The following CNTN3 variants were observed in gnomAD, a reference collection of about 807,000 sequenced individuals.
The protein encoded by CNTN3 is contactin-3.
In CNTN3, 60 loss-of-function variants were observed where a neutral mutation model predicts 119.1. The observed-to-expected ratio is 0.50, with a 90% CI of 0.41 to 0.62. The LOEUF is 0.62. Among genes scored for constraint, CNTN3 ranks in the 20% least tolerant of loss-of-function variants. The pLI is 0.00. For missense variants in CNTN3, 1,101 were observed against 1,242.4 expected, an observed-to-expected ratio of 0.89 and a Z score of 1.71; for synonymous variants, 450 against 438.7, an observed-to-expected ratio of 1.03 and a Z score of -0.32.
intron 3 of CNTN3, among the ~76,000 whole-genome samples, chr3:74,487,918 T>C (rs1702887760): frequency 6.6e-6 from 1 of 151,186 alleles, no homozygotes; most frequent in Non-Finnish European, 1.5e-5. Context: ...CAGTTGACGT[T>C]TATAATTTTC....
chr3:74,603,251 T>C (rs1704940327), intron 1 of CNTN3, among the ~76,000 whole-genome samples: 4 of 152,148 alleles, frequency 2.6e-5, no homozygotes, highest in Admixed American at 2.6e-4. Flanking sequence ...CTGAGACAGT[T>C]CCCCTAAGGC....
chr3:74,545,702 C>A (rs183326224), intron 1 of CNTN3, among the ~76,000 whole-genome samples: 1 of 152,016 alleles, frequency 6.6e-6, no homozygotes, highest in Admixed American at 6.5e-5. Flanking sequence ...TTAGGGGTAC[C>A]CAGATATTCA....
intron 4 of CNTN3, among the ~76,000 whole-genome samples, chr3:74,452,009 G>A (rs1428390290): frequency 7.1e-6 from 1 of 141,114 alleles, no homozygotes; most frequent in African/African-American, 2.8e-5. Flanking sequence ...CTCTTTTTTG[G>A]TTCCATATGA....
At chr3:74,557,674 C>T (rs1269913026) in intron 1 of CNTN3, among the ~76,000 whole-genome samples, 9 of 150,856 alleles carry the variant, frequency 6.0e-5, no homozygotes. Context: ...AAGTTTTATG[C>T]CATAATTTCC....
chr3:74,569,642 G>A (rs1013630453), intron 1 of CNTN3, among the ~76,000 whole-genome samples: 10 of 152,192 alleles, frequency 6.6e-5, no homozygotes, highest in Non-Finnish European at 1.3e-4. Flanking sequence ...TAAGCTTTGT[G>A]TACTGATTTT....
chr3:74,542,060 CTG>C (rs938769085), intron 1 of CNTN3, among the ~76,000 whole-genome samples: 1 of 151,862 alleles, frequency 6.6e-6, no homozygotes, highest in African/African-American at 2.4e-5. Context: ...TAGCAAGACT[CTG>C]TCTCTGAAAA....
chr3:74,447,502 A>G (rs2106940244), intron 4 of CNTN3, among the ~76,000 whole-genome samples: 1 of 152,340 alleles, frequency 6.6e-6, no homozygotes, highest in South Asian at 2.1e-4. Context: ...TGCATTTTTC[A>G]TTGGTTGAAA....
intron 4 of CNTN3, among the ~76,000 whole-genome samples, chr3:74,455,554 C>T (rs1220479248): frequency 6.6e-6 from 1 of 152,102 alleles, no homozygotes; most frequent in African/African-American, 2.4e-5. Context: ...GAACTGCGAT[C>T]CTTTGGAGGA....
intron 11 of CNTN3, among the ~76,000 whole-genome samples, chr3:74,361,005 T>C (rs904162269): frequency 1.6e-4 from 25 of 152,172 alleles, no homozygotes; most frequent in Non-Finnish European, 2.4e-4. Context: ...TTTTGCCATG[T>C]AATATAACAC....
intron 4 of CNTN3, among the ~76,000 whole-genome samples, chr3:74,455,498 C>A (rs1702250444): frequency 6.6e-6 from 1 of 152,124 alleles, no homozygotes; most frequent in African/African-American, 2.4e-5. Flanking sequence ...CTTCTCTCGA[C>A]TCGTCAAAGT....
At chr3:74,547,067 T>C (rs1283261040) in intron 1 of CNTN3, among the ~76,000 whole-genome samples, 2 of 152,230 alleles carry the variant, frequency 1.3e-5, no homozygotes, top group African/African-American at 4.8e-5. Flanking sequence ...AACAAACTAA[T>C]AGAACAAGTA....
chr3:74,587,649 C>T lies in CNTN3; in HGVS notation c.-81+26742G>A, dbSNP rs530413584. 5.9e-4 allele frequency among the ~76,000 whole-genome samples: 90 copies of T among 152,222 alleles called. 1 individual carries two copies. The highest frequency in any genetic ancestry group is 2.1e-3 in the African/African-American group (88 of 41,544). On this transcript the variant is annotated intron_variant, in intron 1 of 22. Transcript: ENST00000263665. The stretch of plus-strand genomic sequence containing the variant: ...AAAAGAGATATACAGGCACAGTTAT[C>T]CGAAAACCATCGTAAAACTCCAGGA...
chr3:74,408,581 C>G (rs1173214411), intron 5 of CNTN3, among the ~76,000 whole-genome samples: 1 of 152,130 alleles, frequency 6.6e-6, no homozygotes, highest in Non-Finnish European at 1.5e-5. Flanking sequence ...CTAATGCGGC[C>G]AGATCTCGAG....
chr3:74,421,233 T>C (rs910468496), intron 5 of CNTN3, among the ~76,000 whole-genome samples: 2 of 152,046 alleles, frequency 1.3e-5, no homozygotes, highest in African/African-American at 4.8e-5. Context: ...TGCAGTGGTA[T>C]GATCAGCTCA....
chr3:74,513,548 T>A (rs866267116), intron 2 of CNTN3, among the ~76,000 whole-genome samples: 2 of 151,916 alleles, frequency 1.3e-5, no homozygotes, highest in East Asian at 1.9e-4. Context: ...GGGAATATGG[T>A]TTCATGTGTT....
intron 1 of CNTN3, among the ~76,000 whole-genome samples, chr3:74,550,162 T>C (rs6549628): frequency 0.071 from 10,741 of 152,194 alleles, 408 homozygotes; most frequent in Admixed American, 0.095. Context: ...AAGTCAAAAA[T>C]AAATTCCTGC....
chr3:74,516,537 A>C (rs1703453871), intron 2 of CNTN3, among the ~76,000 whole-genome samples: 2 of 150,904 alleles, frequency 1.3e-5, no homozygotes, highest in South Asian at 4.1e-4. Flanking sequence ...ATATGTGTTA[A>C]TTGACTATTT....
intron 19 of CNTN3, among the ~76,000 whole-genome samples, chr3:74,290,095 T>C (rs1370068474): frequency 6.6e-6 from 1 of 152,250 alleles, no homozygotes; most frequent in African/African-American, 2.4e-5. Context: ...TAAATTTATA[T>C]ACAGTTATGT....
Position 74,614,470 on chromosome 3 carries a change from C to A in CNTN3, c.-160G>T, listed in dbSNP as rs1162247809. Among the ~76,000 whole-genome samples, 2 of 145,290 alleles carry A rather than the reference C, an allele frequency of 1.4e-5. No homozygotes were observed. The highest frequency in any genetic ancestry group is 3.5e-3 in the Middle Eastern group (1 of 284). ...CCGCCGCCGCCGCCGCCGCCACCGC[C>A]GCCGCCGCAGTTAGTCCGGGCCCGG... On this transcript the variant is annotated 5_prime_UTR_variant, in exon 1 of 23. Transcript: ENST00000263665.
Sources: allele counts gnomAD v4.1 joint callset (sites outside exome capture counted in the v4.1 genomes callset), GRCh38; gene constraint gnomAD v4.1.1; transcripts MANE v1.5; gene names NCBI Gene and HGNC (gene_info 2026-07-23, HGNC 2026-07-21).